Variants in DYM observed in about 807,000 individuals in gnomAD.
DYM encodes dyggve-Melchior-Clausen syndrome protein.
A neutral mutation model predicts 93.1 loss-of-function variants in DYM; 78 were observed. That is an observed-to-expected ratio of 0.84 (90% CI 0.70 to 1.01). The LOEUF (loss-of-function observed/expected upper bound fraction) is 1.01. DYM is among the 50% of genes least tolerant of loss of function. The pLI, the probability that DYM is intolerant of heterozygous loss-of-function variation, is 0.00. For synonymous variants in DYM, 321 were observed against 319.7 expected, an observed-to-expected ratio of 1.00 and a Z score of -0.04; for missense variants, 789 against 845.0, an observed-to-expected ratio of 0.93 and a Z score of 0.82.
chr18:49,156,528 T>A (rs1234662018), intron 15 of DYM, among the ~76,000 whole-genome samples: 2 of 151,890 alleles, frequency 1.3e-5, no homozygotes, highest in Non-Finnish European at 2.9e-5. Flanking sequence ...GGTCAGGAGT[T>A]CGAGACCAGC....
chr18:49,351,237 C>T (rs1404651163), intron 6 of DYM, among the ~76,000 whole-genome samples: 1 of 152,042 alleles, frequency 6.6e-6, no homozygotes, highest in African/African-American at 2.4e-5. Flanking sequence ...GCCTGGCCAA[C>T]ATGGTGAAAC....
rs117791959 is a variant in DYM at position 49,111,062 on chromosome 18, C to T, written c.1911+7682G>A. 5.1e-3 allele frequency among the ~76,000 whole-genome samples: 771 copies of T among 152,260 alleles called. 2 individuals carry two copies. The highest frequency in any genetic ancestry group is 8.7e-3 in the Non-Finnish European group (589 of 68,018). On this transcript the variant is annotated intron_variant, in intron 16 of 17. Coordinates refer to ENST00000675505, the MANE Select transcript of DYM (RefSeq NM_001353214.3). ...TTTTTCTTACAGTTCCCATCTCTCT[C>T]TGGAACTGTTTATATATGTTGTCAC... is the stretch of plus-strand genomic sequence containing the variant.
intron 8 of DYM, among the ~76,000 whole-genome samples, chr18:49,330,299 GAA>G (rs988250853): frequency 6.6e-6 from 1 of 151,490 alleles, no homozygotes. Flanking sequence ...AAAACCGTGA[GAA>G]AAAAAAGACC....
At chr18:49,356,934 TTC>T (rs1182848265) in intron 6 of DYM, among the ~76,000 whole-genome samples, 1 of 152,206 alleles carries the variant, frequency 6.6e-6, no homozygotes, top group Non-Finnish European at 1.5e-5. Context: ...AATAATTATA[TTC>T]TTTTTTATAT....
chr18:49,384,857 C>T (rs565149008), intron 3 of DYM, among the ~76,000 whole-genome samples: 1 of 150,270 alleles, frequency 6.7e-6, no homozygotes, highest in South Asian at 2.1e-4. Flanking sequence ...CCAACCTGAA[C>T]ATTACAGGTG....
intron 1 of DYM, among the ~76,000 whole-genome samples, chr18:49,455,140 G>A (rs1394406139): frequency 6.6e-6 from 1 of 152,146 alleles, no homozygotes; most frequent in Non-Finnish European, 1.5e-5. Context: ...TCCGCACATA[G>A]TAACCGTACA....
chr18:49,200,415 A>C (rs1210949914), intron 14 of DYM, among the ~76,000 whole-genome samples: 3 of 151,908 alleles, frequency 2.0e-5, no homozygotes, highest in Non-Finnish European at 4.4e-5. Flanking sequence ...TTTTTCATTA[A>C]ACATTATATC....
chr18:49,209,747 A>T (rs2146105139), intron 13 of DYM, 32 bp from the exon 14 acceptor site: 2 of 1,193,862 alleles, frequency 1.7e-6, no homozygotes, highest in South Asian at 1.5e-5. Flanking sequence ...AGAGAAACAG[A>T]AAGAGAGGAG....
At chr18:49,326,692 T>C (rs1490694703) in intron 8 of DYM, among the ~76,000 whole-genome samples, 1 of 152,100 alleles carries the variant, frequency 6.6e-6, no homozygotes, top group Non-Finnish European at 1.5e-5. Flanking sequence ...GATAGATAAA[T>C]TGATAGCAGA....
At chr18:49,384,881 G>A (rs547571306) in intron 3 of DYM, among the ~76,000 whole-genome samples, 1 of 149,446 alleles carries the variant, frequency 6.7e-6, no homozygotes, top group Non-Finnish European at 1.5e-5. Context: ...AAGAGGTAGG[G>A]AGAAGAAACT....
chr18:49,438,668 C>T (rs549230985), intron 1 of DYM, among the ~76,000 whole-genome samples: 3 of 152,310 alleles, frequency 2.0e-5, no homozygotes, highest in Non-Finnish European at 2.9e-5. Flanking sequence ...GAAGCAACAA[C>T]AGGGTGCTAC....
At chr18:49,273,278 C>T (rs573839249) in intron 10 of DYM, among the ~76,000 whole-genome samples, 2 of 152,278 alleles carry the variant, frequency 1.3e-5, no homozygotes, top group East Asian at 1.9e-4. Context: ...CTTCCAGGAA[C>T]GAAGTATACC....
At chr18:49,052,635 C>T (rs976128668) in intron 17 of DYM, among the ~76,000 whole-genome samples, 2 of 152,210 alleles carry the variant, frequency 1.3e-5, no homozygotes, top group African/African-American at 4.8e-5. Flanking sequence ...GCCAACAAAC[C>T]CTCTTGGTGG....
chr18:49,099,147 T>TA (rs1201314770), intron 16 of DYM, among the ~76,000 whole-genome samples: 6 of 152,192 alleles, frequency 3.9e-5, no homozygotes, highest in South Asian at 2.1e-4. Context: ...TTCTAAAAAA[T>TA]AAAAAAATGG....
intron 17 of DYM, among the ~76,000 whole-genome samples, chr18:49,088,598 A>G (rs952194741): frequency 2.6e-5 from 4 of 151,930 alleles, no homozygotes; most frequent in Non-Finnish European, 2.9e-5. Context: ...ACAGTACTCC[A>G]TAAAGCAGCA....
intron 14 of DYM, among the ~76,000 whole-genome samples, chr18:49,178,120 GATTTA>G (rs1198998428): frequency 6.6e-6 from 1 of 152,086 alleles, no homozygotes; most frequent in Non-Finnish European, 1.5e-5. Context: ...GAAAGCCATG[GATTTA>G]ACTCCTTAGG....
intron 2 of DYM, among the ~76,000 whole-genome samples, chr18:49,426,755 ATGTGTGTGTGTG>A (rs59381977): frequency 3.0e-4 from 45 of 147,608 alleles, no homozygotes; most frequent in South Asian, 1.1e-3. Flanking sequence ...ACTGGAAAAC[ATGTGTGTGTGTG>A]TGTGTGTGTG....
intron 16 of DYM, among the ~76,000 whole-genome samples, chr18:49,109,960 A>G (rs145332642): frequency 6.1e-4 from 93 of 152,292 alleles, no homozygotes; most frequent in African/African-American, 2.2e-3. Context: ...TCTTACTTTT[A>G]TATGTTATAA....
intron 3 of DYM, among the ~76,000 whole-genome samples, chr18:49,387,769 T>C (rs559129893): frequency 3.9e-5 from 6 of 152,286 alleles, no homozygotes; most frequent in African/African-American, 1.4e-4. Flanking sequence ...AAAAAATTCA[T>C]GCAACTCACT....
Sources: allele counts gnomAD v4.1 joint callset (sites outside exome capture counted in the v4.1 genomes callset), GRCh38; gene constraint gnomAD v4.1.1; transcripts MANE v1.5; gene names NCBI Gene and HGNC (gene_info 2026-07-23, HGNC 2026-07-21).